Variants in NRXN3 observed in about 807,000 individuals in gnomAD.
The protein encoded by NRXN3 is neurexin III.
NRXN3 carries 32 observed loss-of-function variants against 137.6 expected under a neutral mutation model. That is an observed-to-expected ratio of 0.23 (90% CI 0.18 to 0.31). The LOEUF is 0.31. NRXN3 is among the 10% of genes least tolerant of loss of function. The pLI, the probability that NRXN3 is intolerant of heterozygous loss-of-function variation, is 1.00. For synonymous variants in NRXN3, 798 were observed against 784.5 expected (o/e 1.02, Z -0.29); for missense variants, 1,574 against 2,062.5 (o/e 0.76, Z 4.59).
intron 15 of NRXN3, among the ~76,000 whole-genome samples, chr14:79,408,499 C>G (rs184740924): frequency 4.7e-4 from 71 of 152,168 alleles, no homozygotes; most frequent in Admixed American, 1.7e-3. Flanking sequence ...GATGAAAACA[C>G]TGAAAAGGGA....
chr14:78,958,380 C>T (rs2099401037), intron 11 of NRXN3, among the ~76,000 whole-genome samples: 1 of 146,100 alleles, frequency 6.8e-6, no homozygotes, highest in Non-Finnish European at 1.5e-5. Context: ...TTTTTTAAGA[C>T]AGTCTTGCTC....
Position 79,549,960 on chromosome 14 carries a change from G to GTTTTTGTT in NRXN3, c.3444+82559_3444+82560insTTTTGTTT, listed in dbSNP as rs10699647. 0.017 allele frequency among the ~76,000 whole-genome samples: 2,304 copies of GTTTTTGTT among 134,522 alleles called. 162 individuals are homozygous for GTTTTTGTT. In the East Asian group the frequency reaches 0.24, roughly 14 times the overall value. 88.3% of individuals were successfully genotyped at this position (134,522 alleles called of 152,430 possible). ...TACAGGTTACTTCTCATATTGTTGG[G>GTTTTTGTT]TGTTTGTTTGTTTGTTAGTTTGTTT... On this transcript the variant is annotated intron_variant, in intron 16 of 20. Coordinates refer to ENST00000335750, the MANE Select transcript of NRXN3 (RefSeq NM_001330195.2).
intron 15 of NRXN3, among the ~76,000 whole-genome samples, chr14:79,354,028 C>T (rs1381464937): frequency 6.6e-6 from 1 of 152,122 alleles, no homozygotes; most frequent in Non-Finnish European, 1.5e-5. Context: ...TTTGTCAACA[C>T]TCAGGCTGAT....
chr14:79,768,814 C>G (rs1284030825), intron 19 of NRXN3, among the ~76,000 whole-genome samples: 5 of 152,084 alleles, frequency 3.3e-5, no homozygotes, highest in Non-Finnish European at 4.4e-5. Flanking sequence ...TTCAGACAAT[C>G]AAATTACTCT....
intron 19 of NRXN3, among the ~76,000 whole-genome samples, chr14:79,712,379 G>A (rs959540439): frequency 6.6e-6 from 1 of 152,010 alleles, no homozygotes; most frequent in African/African-American, 2.4e-5. Context: ...ATCGCATTTC[G>A]ATTAAATAAA....
chr14:79,150,855 G>T (rs139873699), intron 15 of NRXN3, among the ~76,000 whole-genome samples: 2 of 152,156 alleles, frequency 1.3e-5, no homozygotes, highest in African/African-American at 4.8e-5. Context: ...AATGAAGGCA[G>T]AAGCTGCATG....
intron 16 of NRXN3, among the ~76,000 whole-genome samples, chr14:79,560,586 C>CTGCAACCT (rs2097485766): frequency 7.4e-6 from 1 of 135,008 alleles, no homozygotes; most frequent in South Asian, 2.5e-4. Flanking sequence ...TCTCGGCTCA[C>CTGCAACCT]TGCAACCTCC....
intron 16 of NRXN3, among the ~76,000 whole-genome samples, chr14:79,592,583 TCTA>T (rs2307552): frequency 0.12 from 18,253 of 152,108 alleles, 1,933 homozygotes; most frequent in African/African-American, 0.28. Flanking sequence ...CCCATCAATT[TCTA>T]CTGATAGTTA....
At chr14:79,011,944 ATCAG>A (rs1358468801) in intron 15 of NRXN3, among the ~76,000 whole-genome samples, 2 of 152,212 alleles carry the variant, frequency 1.3e-5, no homozygotes, top group Non-Finnish European at 2.9e-5. Flanking sequence ...AATAAAACTG[ATCAG>A]TCATTCTACA....
At chr14:78,307,976 G>A (rs188051454) in intron 4 of NRXN3, among the ~76,000 whole-genome samples, 3 of 152,224 alleles carry the variant, frequency 2.0e-5, no homozygotes, top group Admixed American at 1.3e-4. Context: ...ACACAAAACA[G>A]AGACCTTCCA....
intron 16 of NRXN3, chr14:79,632,320 G>A (rs1254622222): frequency 1.3e-5 from 2 of 156,620 alleles, no homozygotes; most frequent in Non-Finnish European, 2.8e-5. Flanking sequence ...GCGAGACCAA[G>A]AGCCCACCAA....
chr14:79,128,920 C>T (rs74889791), intron 15 of NRXN3, among the ~76,000 whole-genome samples: 74,495 of 150,994 alleles, frequency 0.49, 21,188 homozygotes, highest in East Asian at 0.77. Context: ...GTGTATGTGT[C>T]GAGGAATTTA....
intron 16 of NRXN3, among the ~76,000 whole-genome samples, chr14:79,620,997 C>CA (rs1428681386): frequency 6.6e-6 from 1 of 151,596 alleles, no homozygotes; most frequent in Non-Finnish European, 1.5e-5. Flanking sequence ...AAGAAAAGGC[C>CA]AAAAAAAGTG....
intron 15 of NRXN3, among the ~76,000 whole-genome samples, chr14:79,346,398 G>T (rs1040150990): frequency 2.0e-5 from 3 of 152,144 alleles, no homozygotes; most frequent in Admixed American, 2.0e-4. Flanking sequence ...TCCAGCCTGG[G>T]TAACAAGAGT....
At chr14:78,625,538 G>A (rs1330765150) in intron 4 of NRXN3, among the ~76,000 whole-genome samples, 2 of 152,168 alleles carry the variant, frequency 1.3e-5, no homozygotes, top group African/African-American at 4.8e-5. Context: ...CTCCAGGGAG[G>A]CATGGTTCTC....
chr14:78,813,295 T>A (rs2098920370), intron 10 of NRXN3, among the ~76,000 whole-genome samples: 1 of 152,174 alleles, frequency 6.6e-6, no homozygotes, highest in Admixed American at 6.5e-5. Context: ...AAGCCCCTCT[T>A]CTTATTGACT....
chr14:78,939,970 T>C (rs1167665614), intron 10 of NRXN3, among the ~76,000 whole-genome samples: 1 of 152,216 alleles, frequency 6.6e-6, no homozygotes, highest in East Asian at 1.9e-4. Context: ...TAATCTTAAA[T>C]AATGCAGCAA....
At chr14:78,828,188 G>C (rs1160896359) in intron 10 of NRXN3, among the ~76,000 whole-genome samples, 1 of 152,132 alleles carries the variant, frequency 6.6e-6, no homozygotes, top group Non-Finnish European at 1.5e-5. Flanking sequence ...TGCTACCAGA[G>C]AGCAATTCTA....
chr14:78,974,246 C>T (rs12890815), intron 14 of NRXN3, among the ~76,000 whole-genome samples: 13,803 of 152,138 alleles, frequency 0.091, 894 homozygotes, highest in Non-Finnish European at 0.11. Context: ...GGGGGCAGGA[C>T]TCAATCTGAA....
Sources: gnomAD v4.1 joint callset for allele counts (sites outside exome capture counted in the v4.1 genomes callset) on GRCh38, gnomAD v4.1.1 for gene constraint, MANE v1.5 for transcripts, NCBI Gene and HGNC (gene_info 2026-07-23, HGNC 2026-07-21) for gene names.